The following FSD2 variants were observed in gnomAD, a reference collection of about 807,000 sequenced individuals.
The protein encoded by FSD2 is fibronectin type III and SPRY domain-containing protein 2.
In FSD2, 71 loss-of-function variants were observed where a neutral mutation model predicts 80.4. The observed-to-expected ratio is 0.88, with a 90% confidence interval of 0.73 to 1.08. FSD2 has a LOEUF of 1.08. Ranked by LOEUF, FSD2 falls within the 50% of genes least tolerant of loss-of-function variation. FSD2 has a pLI of 0.00. For synonymous variants in FSD2, 361 were observed against 329.5 expected, an observed-to-expected ratio of 1.10 and a Z score of -1.03; for missense variants, 923 against 913.8, an observed-to-expected ratio of 1.01 and a Z score of -0.13.
rs565598535 is a variant in FSD2 at position 82,772,313 on chromosome 15, C to T, written c.1112-85G>A. The T allele has an allele frequency of 3.8e-6, 5 of 1,332,610 alleles. No homozygotes were observed. The Admixed American group carries it at 6.3e-5, about 17-fold the overall frequency. The allele number at this position is 1,332,610 out of a possible 1,614,324, so 82.5% of individuals were successfully genotyped here. On this transcript the variant is annotated intron_variant, in intron 6 of 12. Coordinates refer to ENST00000334574, the MANE Select transcript of FSD2 (RefSeq NM_001007122.4). ...CCCCTTTCCCATGACCATTGATCCCCCCAATGAATCCACAGCCTTTGGGAA... is the reference window on the plus strand; with the variant it reads ...CCCCTTTCCCATGACCATTGATCCCTCCAATGAATCCACAGCCTTTGGGAA...
rs369027502 is a variant in FSD2, at chr15:82,787,291, G to T, written c.100C>A (p.His34Asn). 4.3e-5 allele frequency: 69 copies of T among 1,613,754 alleles called. No individual in the cohort carries two copies. In the African/African-American group the frequency reaches 8.8e-4, roughly 21 times the overall value. Residue 34 changes from histidine (H) to asparagine (N), a missense_variant, in exon 2 of 13, where the codon CAC (histidine) becomes AAC (asparagine). Transcript: ENST00000334574. ...CTAGTGTTCTCTTCTGGAAAGAGGT[G>T]CAGTCTGTCTTCAGAGTCATACAGG... Reference protein sequence around the residue: ...MDLYDSEDRLHLFPEENTRMR... With the variant: ...MDLYDSEDRLNLFPEENTRMR...
intron 7 of FSD2, 34 bp from the exon 8 acceptor site, chr15:82,769,918 A>C: frequency 1.9e-6 from 3 of 1,610,678 alleles, no homozygotes; most frequent in Non-Finnish European, 1.7e-6. Context: ...TTCAACCCTA[A>C]AAACTGGCCA....
Position 82,782,754 on chromosome 15 carries a change from T to C in FSD2, c.966+41A>G, listed in dbSNP as rs910636152. On this transcript the variant is annotated intron_variant, in intron 4 of 12. Coordinates refer to ENST00000334574, the MANE Select transcript of FSD2 (RefSeq NM_001007122.4). ...TCGTTTCCGTTTATAATTCCATCTC[T>C]TTCCATTATGTTCATTATTTCATTT... The C allele has an allele frequency of 4.7e-6, 7 of 1,483,238 alleles. No homozygotes were observed. In the Admixed American group the frequency reaches 9.3e-5, roughly 20 times the overall value. 91.9% of individuals were successfully genotyped at this position (1,483,238 alleles called of 1,614,324 possible). A position where few individuals can be genotyped will look rare whatever the true frequency, so the allele number is the denominator to read the frequency against.
At chr15:82,763,538 T>C (rs1043061232) in intron 11 of FSD2, among the ~76,000 whole-genome samples, 6 of 152,242 alleles carry the variant, frequency 3.9e-5, no homozygotes, top group African/African-American at 1.4e-4. Flanking sequence ...CCCTGACTCA[T>C]CTTCCTCTCT....
At chr15:82,760,739 G>GCGCACA (rs1555475165) in intron 12 of FSD2, among the ~76,000 whole-genome samples, 2 of 150,228 alleles carry the variant, frequency 1.3e-5, no homozygotes, top group East Asian at 4.0e-4. Context: ...GTGCGTGCAC[G>GCGCACA]CACACACACA....
intron 1 of FSD2, among the ~76,000 whole-genome samples, chr15:82,790,743 T>TTA (rs1491536392): frequency 8.2e-5 from 2 of 24,348 alleles, no homozygotes; most frequent in African/African-American, 2.9e-4. Context: ...GCCCAGCTAA[T>TTA]TTTTTTTTTT....
intron 4 of FSD2, among the ~76,000 whole-genome samples, chr15:82,781,839 C>T (rs1048081811): frequency 2.7e-5 from 4 of 150,630 alleles, no homozygotes; most frequent in African/African-American, 9.8e-5. Context: ...GCAGGTGGAT[C>T]ACGAGGTCAG....
intron 1 of FSD2, among the ~76,000 whole-genome samples, chr15:82,792,188 T>A (rs1399757156): frequency 6.6e-6 from 1 of 152,212 alleles, no homozygotes; most frequent in Non-Finnish European, 1.5e-5. Context: ...TGAAAAACCA[T>A]CAAACTGTTT....
chr15:82,764,982 C>A (rs1047477276), intron 11 of FSD2, among the ~76,000 whole-genome samples, 184 bp downstream of exon 11: 2 of 152,130 alleles, frequency 1.3e-5, no homozygotes, highest in Non-Finnish European at 1.5e-5. Flanking sequence ...TCTGCCTGCA[C>A]CTGCCTGACC....
chr15:82,759,623 T>C, intron 12 of FSD2, 23 bp from the exon 13 acceptor site: 1 of 1,518,232 alleles, frequency 6.6e-7, no homozygotes, highest in Non-Finnish European at 8.9e-7. Context: ...TTTGACATAA[T>C]AAAGTTTCAG....
chr15:82,775,637 TATA>T, intron 6 of FSD2, among the ~76,000 whole-genome samples: 1 of 152,322 alleles, frequency 6.6e-6, no homozygotes, highest in South Asian at 2.1e-4. Flanking sequence ...TGACATTTTT[TATA>T]ATGTTTGCTC....
chr15:82,778,157 T>TATATATATATATATATATATATAA (rs558795727), intron 6 of FSD2, among the ~76,000 whole-genome samples: 4 of 129,880 alleles, frequency 3.1e-5, no homozygotes, highest in African/African-American at 9.5e-5. Flanking sequence ...TATATATATA[T>TATATATATATATATATATATATAA]AATAACTATT....
At chr15:82,768,739 A>G (rs1263819977) in intron 9 of FSD2, 141 bp downstream of exon 9, 10 of 698,362 alleles carry the variant, frequency 1.4e-5, no homozygotes, top group Non-Finnish European at 2.0e-5. Context: ...GCTACTTCTC[A>G]TGAACACTAA....
chr15:82,757,504 T>C lies in FSD2; in HGVS notation c.*1844A>G, dbSNP rs2049201011. On this transcript the variant is annotated 3_prime_UTR_variant, in exon 13 of 13. Coordinates refer to ENST00000334574, the MANE Select transcript of FSD2 (RefSeq NM_001007122.4). ...CCGCCACCAGTCCCGGCTAATTTTT[T>C]TGTATTTTTAGTAGAGACGGGGTTT... 1 of 151,898 alleles carries C rather than the reference T, an allele frequency of 6.6e-6. No homozygotes were observed. The highest frequency in any genetic ancestry group is 2.4e-5 in the African/African-American group (1 of 41,326). 9.4% of individuals were successfully genotyped at this position (151,898 alleles called of 1,614,324 possible).
intron 7 of FSD2, 64 bp from the exon 8 acceptor site, chr15:82,769,948 G>A: frequency 1.3e-6 from 2 of 1,590,462 alleles, no homozygotes; most frequent in East Asian, 2.2e-5. Flanking sequence ...AATTCATTAT[G>A]CCGAATCCCA....
At chr15:82,765,762 A>G in intron 10 of FSD2, 136 bp downstream of exon 10, 3 of 1,089,642 alleles carry the variant, frequency 2.8e-6, no homozygotes, top group Non-Finnish European at 3.8e-6. Context: ...ACACCCCTGA[A>G]CTCCTTCTGG....
intron 1 of FSD2, among the ~76,000 whole-genome samples, chr15:82,788,344 A>C (rs1185982546): frequency 6.7e-6 from 1 of 149,240 alleles, no homozygotes; most frequent in Non-Finnish European, 1.5e-5. Context: ...AAAAATACAA[A>C]AAAAAAAAAA....
intron 1 of FSD2, among the ~76,000 whole-genome samples, chr15:82,802,554 T>C (rs1054694210): frequency 1.3e-5 from 2 of 152,104 alleles, no homozygotes; most frequent in African/African-American, 4.8e-5. Context: ...CATTAACAGC[T>C]GGGTTGAGCT....
At position 82,778,795 on chromosome 15, in the gene FSD2, T is replaced by G; in HGVS notation, c.1082A>C (p.Gln361Pro). 6.2e-7 allele frequency: 1 copy of G among 1,613,514 alleles called. No individual in the cohort carries two copies. The highest frequency in any genetic ancestry group is 1.3e-5 in the African/African-American group (1 of 75,046). Residue 361 changes from glutamine to proline, a missense_variant, in exon 6 of 13, where the codon CAG (glutamine) becomes CCG (proline). By Grantham distance (76) the Gln-to-Pro change is moderately conservative. Transcript: ENST00000334574. ...DQTLDFSDVE[Q>P]LMGSINTIPA... ...AATGGTGTTAATGGAGCCCATCAGC[T>G]GCTCCACATCAGAGAAATCCAAGGT...
Sources: allele counts gnomAD v4.1 joint callset (sites outside exome capture counted in the v4.1 genomes callset), GRCh38; gene constraint gnomAD v4.1.1; transcripts MANE v1.5; gene names NCBI Gene and HGNC (gene_info 2026-07-23, HGNC 2026-07-21).